PAK3: variants seen among roughly 807,000 people sequenced by gnomAD.
PAK3 encodes the protein p21 (RAC1) activated kinase 3, also known as serine/threonine-protein kinase PAK 3.
A neutral mutation model predicts 41.0 loss-of-function variants in PAK3; 4 were observed. That is an observed-to-expected ratio of 0.10 (90% CI 0.05 to 0.22). The LOEUF (loss-of-function observed/expected upper bound fraction) is 0.22, where lower values mean the gene tolerates loss of function less well. Among genes scored for constraint, PAK3 ranks in the 10% least tolerant of loss-of-function variants. The pLI is 1.00. For synonymous variants in PAK3, 146 were observed against 139.6 expected (o/e 1.05, Z -0.32); for missense variants, 205 against 409.9 (o/e 0.50, Z 4.32).
rs2094940886 is a variant in PAK3, at chrX:111,224,031, T to C, written c.*3584T>C. On this transcript the variant is annotated 3_prime_UTR_variant, in exon 18 of 18. Transcript: ENST00000372007. The stretch of plus-strand genomic sequence containing the variant: ...GGGAACTATAGACACATAGAAAAGA[T>C]GCCAGAAGCAGATGCCTTCTGGCCA... 8.9e-6 allele frequency: 1 copy of C among 112,153 alleles called. No homozygotes were observed. The allele number at this position is 112,153 out of a possible 1,213,427, so 9.2% of individuals were successfully genotyped here.
intron 1 of PAK3, among the ~76,000 whole-genome samples, chrX:110,992,319 G>A (rs2091663628): frequency 9.0e-6 from 1 of 111,446 alleles, no homozygotes; most frequent in Non-Finnish European, 1.9e-5. Flanking sequence ...TATTGGGATG[G>A]GAGGTCAGAG....
At chrX:110,946,148 T>C (rs940692778) in intron 1 of PAK3, among the ~76,000 whole-genome samples, 1 of 111,212 alleles carries the variant, frequency 9.0e-6, no homozygotes, top group Non-Finnish European at 1.9e-5. Flanking sequence ...AAAGGCTTCA[T>C]GGGCGAGGTG....
At chrX:111,088,394 G>C (rs956901991) in intron 1 of PAK3, among the ~76,000 whole-genome samples, 1 of 111,719 alleles carries the variant, frequency 9.0e-6, no homozygotes, top group Admixed American at 9.5e-5. Flanking sequence ...CATGCTGGAC[G>C]TCTATGTAAT....
At position 111,044,125 on chromosome X, in the gene PAK3, G is replaced by T. The variant is rs184808814; in HGVS notation, c.-27-78952G>T. 3.6e-5 allele frequency among the ~76,000 whole-genome samples: 4 copies of T among 111,972 alleles called. No individual in the cohort carries two copies. The East Asian group carries it at 8.4e-4, about 24-fold the overall frequency. ...ATGTCACATGCAATTCTCTCATCAT[G>T]CTTTGAAGTAGGCAGGTAGACTGGG... On this transcript the variant is annotated intron_variant, in intron 1 of 14. Coordinates refer to the PAK3 transcript ENST00000425146.
At chrX:111,088,003 G>T in intron 1 of PAK3, among the ~76,000 whole-genome samples, 1 of 110,337 alleles carries the variant, frequency 9.1e-6, no homozygotes, top group Non-Finnish European at 1.9e-5. Flanking sequence ...TAATACAGTG[G>T]TTCCCAAATT....
chrX:111,127,804 C>A, intron 5 of PAK3, among the ~76,000 whole-genome samples: 1 of 111,642 alleles, frequency 9.0e-6, no homozygotes, highest in Non-Finnish European at 1.9e-5. Context: ...GTGTTCCTAT[C>A]TTTATTGTTT....
chrX:110,994,087 A>C (rs1028723174), intron 1 of PAK3, among the ~76,000 whole-genome samples: 3 of 112,128 alleles, frequency 2.7e-5, no homozygotes, highest in Non-Finnish European at 5.6e-5. Context: ...CATCAATCTC[A>C]TATTGATGGG....
chrX:110,970,311 T>C (rs1167572558), intron 1 of PAK3, among the ~76,000 whole-genome samples: 2 of 112,067 alleles, frequency 1.8e-5, no homozygotes, highest in Non-Finnish European at 3.8e-5. Flanking sequence ...TATTAGACTT[T>C]TGTCATATGG....
chrX:111,006,849 C>CTT lies in PAK3; in HGVS notation c.-28+62235_-28+62236dup, dbSNP rs1186032934. 6.9e-3 allele frequency among the ~76,000 whole-genome samples: 294 copies of CTT among 42,690 alleles called. 3 individuals are homozygous for CTT. Among genetic ancestry groups the CTT allele is most frequent in the Middle Eastern group, 0.027 (1 of 37 alleles). The allele number at this position is 42,690 out of a possible 115,157, so 37.1% of individuals were successfully genotyped here. On this transcript the variant is annotated intron_variant, in intron 1 of 14. Coordinates refer to the PAK3 transcript ENST00000425146. Reference sequence around the variant, plus strand: ...TCTTTCTTTCTTTCTTTCTTTCTTTCTTTTTTTTTTTTTTTGATAAGTTTT... The same window carrying CTT: ...TCTTTCTTTCTTTCTTTCTTTCTTTCTTTTTTTTTTTTTTTTTGATAAGTTTT...
chrX:111,218,118 T>G (rs1165635262), intron 17 of PAK3, among the ~76,000 whole-genome samples: 1 of 112,172 alleles, frequency 8.9e-6, no homozygotes, highest in Non-Finnish European at 1.9e-5. Context: ...AGCCTATTAT[T>G]GCCATTTTCA....
In PAK3 at chrX:111,204,372, C is replaced by T. The variant is rs974680601; in HGVS notation, c.1407+7732C>T. 3.6e-5 allele frequency among the ~76,000 whole-genome samples: 4 copies of T among 110,887 alleles called. No individual in the cohort carries two copies. The South Asian group carries it at 1.6e-3, about 43-fold the overall frequency. Reference sequence around the variant, plus strand: ...CTTATAGCATGGCTTGGGAGTAAAACAAGGATGCATATGCTGATTGCCCTA... The same window carrying T: ...CTTATAGCATGGCTTGGGAGTAAAATAAGGATGCATATGCTGATTGCCCTA... On this transcript the variant is annotated intron_variant, in intron 16 of 17. Coordinates refer to ENST00000372007, the MANE Select transcript of PAK3 (RefSeq NM_002578.5).
At chrX:110,995,558 C>T (rs2091725878) in intron 1 of PAK3, among the ~76,000 whole-genome samples, 1 of 111,427 alleles carries the variant, frequency 9.0e-6, no homozygotes, top group Admixed American at 9.6e-5. Context: ...AAACAGTCTC[C>T]TAGGCTTTTT....
At chrX:111,095,838 C>T (rs374257344), upstream of PAK3, among the ~76,000 whole-genome samples, 8 of 111,309 alleles carry the variant, frequency 7.2e-5, no homozygotes, top group South Asian at 3.1e-3. Context: ...CCTGAAAATT[C>T]ATCTGAAATC....
chrX:110,983,177 G>A (rs2091476913), intron 1 of PAK3, among the ~76,000 whole-genome samples: 1 of 111,559 alleles, frequency 9.0e-6, no homozygotes, highest in African/African-American at 3.3e-5. Flanking sequence ...CAATCAAAGA[G>A]ATCACAATGA....
chrX:111,128,485 C>G (rs774375557), intron 5 of PAK3, among the ~76,000 whole-genome samples: 1 of 112,065 alleles, frequency 8.9e-6, no homozygotes, highest in African/African-American at 3.2e-5. Context: ...CTATATTATT[C>G]CCTTTTTACA....
At chrX:111,112,900 G>C (rs1210652321) in intron 4 of PAK3, among the ~76,000 whole-genome samples, 1 of 111,520 alleles carries the variant, frequency 9.0e-6, no homozygotes, top group Non-Finnish European at 1.9e-5. Context: ...AAAGAGATCT[G>C]TCCTGCTTAT....
intron 1 of PAK3, among the ~76,000 whole-genome samples, chrX:111,074,574 G>A (rs745589861): frequency 1.8e-5 from 2 of 111,665 alleles, no homozygotes; most frequent in East Asian, 2.8e-4. Flanking sequence ...CAAATTACCC[G>A]GCCCCAGGTA....
chrX:111,216,451 C>G lies in PAK3; in HGVS notation c.1438C>G (p.Pro480Ala), dbSNP rs1448130142. The change falls in exon 17 of 18, where the codon CCA becomes GCA. Residue 480 changes from proline (P) to alanine (A), a missense_variant. Coordinates refer to ENST00000372007, the MANE Select transcript of PAK3 (RefSeq NM_002578.5). ...GTATCTGATAGCCACTAATGGAACTCCAGAGCTCCAGAATCCTGAGAGACT... is the reference window on the plus strand; with the variant it reads ...GTATCTGATAGCCACTAATGGAACTGCAGAGCTCCAGAATCCTGAGAGACT... The part of the protein sequence containing the change: ...ALYLIATNGT[P>A]ELQNPERLSA... 1 of 1,185,740 alleles carries G rather than the reference C, an allele frequency of 8.4e-7. No individual in the cohort carries two copies.
intron 10 of PAK3, among the ~76,000 whole-genome samples, chrX:111,172,123 T>G (rs2094349239): frequency 9.0e-6 from 1 of 111,728 alleles, no homozygotes; most frequent in African/African-American, 3.3e-5. Context: ...GTGATTTTAC[T>G]AAATAGTGTG....
Sources: gnomAD v4.1 joint callset for allele counts (sites outside exome capture counted in the v4.1 genomes callset) on GRCh38, gnomAD v4.1.1 for gene constraint, MANE v1.5 for transcripts, NCBI Gene and HGNC (gene_info 2026-07-23, HGNC 2026-07-21) for gene names.